LRP1B: variants seen among roughly 807,000 people sequenced by gnomAD.
LRP1B encodes the protein low-density lipoprotein receptor-related protein 1B.
A neutral mutation model predicts 556.6 loss-of-function variants in LRP1B; 217 were observed. That is an observed-to-expected ratio of 0.39 (90% CI 0.35 to 0.44). The LOEUF is 0.44. Among genes scored for constraint, LRP1B ranks in the 20% least tolerant of loss-of-function variants. The pLI is 1.00. For missense variants in LRP1B, 5,053 were observed against 5,620.8 expected (o/e 0.90, Z 3.23); for synonymous variants, 2,047 against 1,865.8 (o/e 1.10, Z -2.50).
intron 60 of LRP1B, among the ~76,000 whole-genome samples, chr2:140,461,614 C>T (rs1261525944): frequency 6.6e-6 from 1 of 152,096 alleles, no homozygotes; most frequent in African/African-American, 2.4e-5. Context: ...GCAAGCTGAT[C>T]ACCTGAGGTC....
chr2:140,938,015 T>C (rs901056946), intron 20 of LRP1B, among the ~76,000 whole-genome samples: 1 of 151,900 alleles, frequency 6.6e-6, no homozygotes, highest in Admixed American at 6.6e-5. Flanking sequence ...AATGTCCTTA[T>C]GGTTCAAAAG....
At chr2:141,318,494 A>T (rs1333833779) in intron 3 of LRP1B, among the ~76,000 whole-genome samples, 1 of 152,146 alleles carries the variant, frequency 6.6e-6, no homozygotes, top group Non-Finnish European at 1.5e-5. Flanking sequence ...AGAAGTAATA[A>T]TTCTTCACTT....
chr2:140,945,846 A>G (rs1695527940), intron 20 of LRP1B, among the ~76,000 whole-genome samples: 1 of 152,152 alleles, frequency 6.6e-6, no homozygotes. Flanking sequence ...GCAACAAAAG[A>G]TATTTATAAG....
Position 140,843,057 on chromosome 2 carries a change from TTTTTTTTTTGTTTTTTTTTTTTTGTTTG to T in LRP1B, c.4940-1993_4940-1966del, listed in dbSNP as rs1367749144. 3.1e-3 allele frequency among the ~76,000 whole-genome samples: 81 copies of T among 26,056 alleles called. 1 individual carries two copies. Among genetic ancestry groups the T allele is most frequent in the African/African-American group, 6.6e-3 (71 of 10,766 alleles). 17.1% of individuals were successfully genotyped at this position (26,056 alleles called of 152,430 possible). On this transcript the variant is annotated intron_variant, in intron 29 of 90. Transcript: ENST00000389484. ...CTAAAATACATGTTCTCCAAAGTGG[TTTTTTTTTTGTTTTTTTTTTTTTGTTTG>T]TTTTTTTTTTTTTTGTTTTTTTTTT... is the stretch of plus-strand genomic sequence containing the variant.
intron 3 of LRP1B, among the ~76,000 whole-genome samples, chr2:141,364,383 T>G (rs1246930665): frequency 6.6e-6 from 1 of 150,380 alleles, no homozygotes; most frequent in African/African-American, 2.4e-5. Context: ...GATCAGATCA[T>G]GCACACACAG....
chr2:141,526,677 C>A (rs374182231), intron 2 of LRP1B, among the ~76,000 whole-genome samples: 6 of 151,936 alleles, frequency 3.9e-5, no homozygotes, highest in African/African-American at 1.2e-4. Context: ...CCAGCATAAA[C>A]CTACTAGGAG....
intron 11 of LRP1B, among the ~76,000 whole-genome samples, chr2:141,024,917 G>A (rs1356559453): frequency 6.6e-6 from 1 of 152,026 alleles, no homozygotes; most frequent in African/African-American, 2.4e-5. Context: ...TGGGCAGTAA[G>A]AAGGCCTGCT....
At chr2:142,049,770 C>G (rs1704384997) in intron 1 of LRP1B, among the ~76,000 whole-genome samples, 1 of 152,028 alleles carries the variant, frequency 6.6e-6, no homozygotes, top group African/African-American at 2.4e-5. Context: ...AACACTGATT[C>G]CATTTAAGAT....
chr2:141,033,109 C>T (rs935131292), intron 11 of LRP1B, among the ~76,000 whole-genome samples: 2 of 151,552 alleles, frequency 1.3e-5, no homozygotes, highest in Non-Finnish European at 2.9e-5. Context: ...TAGGCATGTA[C>T]AGGACAGAAA....
intron 1 of LRP1B, among the ~76,000 whole-genome samples, chr2:141,814,816 G>A (rs1324470761): frequency 6.6e-6 from 1 of 152,110 alleles, no homozygotes; most frequent in African/African-American, 2.4e-5. Context: ...AAAACTATAG[G>A]AATAGAAATA....
intron 31 of LRP1B, among the ~76,000 whole-genome samples, chr2:140,815,199 T>C (rs1306973326): frequency 6.6e-6 from 1 of 151,740 alleles, no homozygotes; most frequent in Non-Finnish European, 1.5e-5. Flanking sequence ...GACACACAGA[T>C]TCAAGTGCAC....
chr2:140,805,573 T>C (rs1690684474), intron 32 of LRP1B, among the ~76,000 whole-genome samples: 1 of 152,230 alleles, frequency 6.6e-6, no homozygotes, highest in South Asian at 2.1e-4. Flanking sequence ...TAAAATGAAC[T>C]CTGATTAGCA....
chr2:141,750,537 G>A (rs542548225), intron 2 of LRP1B, among the ~76,000 whole-genome samples: 14 of 152,216 alleles, frequency 9.2e-5, no homozygotes, highest in African/African-American at 3.4e-4. Flanking sequence ...TCAAGCATTA[G>A]TCAGTATTTT....
chr2:141,971,846 A>G (rs1051538995), intron 1 of LRP1B, among the ~76,000 whole-genome samples: 9 of 151,464 alleles, frequency 5.9e-5, no homozygotes, highest in African/African-American at 1.5e-4. Context: ...GAAACTGACA[A>G]TCTGTCAGTG....
intron 84 of LRP1B, among the ~76,000 whole-genome samples, chr2:140,297,320 GGT>G (rs1475336229): frequency 3.3e-5 from 5 of 152,072 alleles, no homozygotes; most frequent in Non-Finnish European, 7.3e-5. Flanking sequence ...AGAAGGAGAA[GGT>G]GTGACATAGA....
rs2105425635 is a variant in LRP1B, at chr2:140,701,714, T to C, written c.6427+7A>G. On this transcript the variant is annotated splice_region_variant and intron_variant, in intron 40 of 90. Coordinates refer to ENST00000389484, the MANE Select transcript of LRP1B (RefSeq NM_018557.3). ...TACATATTATGTATTCTTTCAAGAG[T>C]GCTGACCTTTCTCTCTTACTCGGTT... is the stretch of plus-strand genomic sequence containing the variant. The C allele has an allele frequency of 6.2e-7, 1 of 1,611,082 alleles. No individual in the cohort carries two copies. The highest frequency in any genetic ancestry group is 8.5e-7 in the Non-Finnish European group (1 of 1,178,288).
chr2:141,014,952 T>C (rs1269824967), intron 13 of LRP1B, among the ~76,000 whole-genome samples: 1 of 152,096 alleles, frequency 6.6e-6, no homozygotes, highest in Non-Finnish European at 1.5e-5. Flanking sequence ...CTTAGCCAAA[T>C]GTGCAGGTTT....
chr2:142,127,367 AATCC>A (rs71391674), intron 1 of LRP1B, among the ~76,000 whole-genome samples: 3,340 of 150,106 alleles, frequency 0.022, 50 homozygotes, highest in African/African-American at 0.046. Flanking sequence ...TGTATGGCAG[AATCC>A]ATCCATCCAT....
intron 3 of LRP1B, among the ~76,000 whole-genome samples, chr2:141,277,161 G>C (rs190083549): frequency 1.5e-3 from 223 of 151,692 alleles, no homozygotes; most frequent in Non-Finnish European, 2.4e-3. Flanking sequence ...ATTTAATAAT[G>C]GGATTCCTGG....
Sources: allele counts gnomAD v4.1 joint callset (sites outside exome capture counted in the v4.1 genomes callset), GRCh38; gene constraint gnomAD v4.1.1; transcripts MANE v1.5; gene names NCBI Gene and HGNC (gene_info 2026-07-23, HGNC 2026-07-21).